The following RYR1 variants were observed in gnomAD, a reference collection of about 807,000 sequenced individuals.
RYR1 encodes ryanodine receptor 1.
A neutral mutation model predicts 583.5 loss-of-function variants in RYR1; 342 were observed. The ratio of observed to expected loss-of-function variants is 0.59; its 90% CI spans 0.54 to 0.64. The LOEUF (loss-of-function observed/expected upper bound fraction) is 0.64, where lower values mean the gene tolerates loss of function less well. Among genes scored for constraint, RYR1 ranks in the 30% least tolerant of loss-of-function variants. RYR1 has a pLI of 0.00. For synonymous variants in RYR1, 2,791 were observed against 2,822.5 expected, an observed-to-expected ratio of 0.99 and a Z score of 0.35; for missense variants, 6,032 against 6,917.2, an observed-to-expected ratio of 0.87 and a Z score of 4.54.
Position 38,494,435 on chromosome 19 carries a change from A to G in RYR1, c.6358A>G (p.Met2120Val), listed in dbSNP as rs761532503. The change falls in exon 39 of 106, where the codon ATG becomes GTG. Residue 2120 changes from methionine to valine, a missense_variant. By Grantham distance (21) the Met-to-Val change is conservative. Transcript: ENST00000359596. ...GCAGAGCCCCGAGCTGGTGCGGGCC[A>G]TGTTCAGCCTCCTGCACCGGCAGTA... Reference protein sequence around the residue: ...FVQSPELVRAMFSLLHRQYDG... With the variant: ...FVQSPELVRAVFSLLHRQYDG... 5.0e-6 allele frequency: 8 copies of G among 1,612,300 alleles called. No homozygotes were observed. The highest frequency in any genetic ancestry group is 5.1e-6 in the Non-Finnish European group (6 of 1,180,036).
At chr19:38,555,842 A>G (rs191286566) in intron 89 of RYR1, among the ~76,000 whole-genome samples, 6 of 152,214 alleles carry the variant, frequency 3.9e-5, no homozygotes, top group African/African-American at 1.4e-4. Context: ...GAAATACAAT[A>G]TGAGCAATAT....
rs1973398871 is a variant in RYR1, at chr19:38,565,897, C to CGGAGGACGCACCCAT, written c.13437+138_13437+152dup. The stretch of plus-strand genomic sequence containing the variant: ...CTAGGGGGATGGGCACACGCACCCA[C>CGGAGGACGCACCCAT]GGAGGACGCACCCATGGAGGACGCA... On this transcript the variant is annotated intron_variant, in intron 91 of 105. Transcript: ENST00000359596. This position sits in a 1 kb window ranked among gnomAD's most constrained non-coding sequence, Gnocchi z 4.7. The CGGAGGACGCACCCAT allele has an allele frequency of 9.0e-6, 10 of 1,109,718 alleles. No individual in the cohort carries two copies. The highest frequency in any genetic ancestry group is 8.5e-5 in the South Asian group (3 of 35,204). 68.7% of individuals were successfully genotyped at this position (1,109,718 alleles called of 1,614,324 possible).
chr19:38,442,579 C>A (rs1972746179), intron 3 of RYR1, 126 bp downstream of exon 3: 2 of 693,200 alleles, frequency 2.9e-6, no homozygotes, highest in African/African-American at 1.8e-5. Flanking sequence ...GCTCTTCTTC[C>A]TCTCTCTGCC....
Position 38,460,384 on chromosome 19 carries a change from C to A in RYR1, c.2370C>A (p.Phe790Leu). The A allele has an allele frequency of 6.2e-7, 1 of 1,614,152 alleles. No homozygotes were observed. Among genetic ancestry groups the A allele is most frequent in the South Asian group, 1.1e-5 (1 of 91,086 alleles). ...GTCCTTCCTTACCCAGGGTGCGGTT[C>A]CTCCTTGGTGGCCGCCATGGTGAAT... ...VSFSAGVKVRFLLGGRHGEFK... is the reference protein window; with the variant it reads ...VSFSAGVKVRLLLGGRHGEFK... Residue 790 changes from phenylalanine to leucine, a missense_variant, in exon 20 of 106, where the codon TTC (phenylalanine) becomes TTA (leucine). By Grantham distance (22) the Phe-to-Leu change is conservative. Coordinates refer to ENST00000359596, the MANE Select transcript of RYR1 (RefSeq NM_000540.3).
chr19:38,444,003 G>A lies in RYR1; in HGVS notation c.425-146G>A. 1.2e-6 allele frequency: 1 copy of A among 827,112 alleles called. No individual in the cohort carries two copies. Among genetic ancestry groups the A allele is most frequent in the Non-Finnish European group, 2.0e-6 (1 of 489,464 alleles). The allele number at this position is 827,112 out of a possible 1,614,324, so 51.2% of individuals were successfully genotyped here. ...GGCAGAGAGTCTGAAGTCAGGAACGGGGAACTGTTAGGCAGAGAGTTGGTG... is the reference window on the plus strand; with the variant it reads ...GGCAGAGAGTCTGAAGTCAGGAACGAGGAACTGTTAGGCAGAGAGTTGGTG... On this transcript the variant is annotated intron_variant, in intron 5 of 105. Transcript: ENST00000359596. The surrounding 1 kb of genome is among the most constrained non-coding windows in gnomAD (Gnocchi z 5.1).
At position 38,490,259 on chromosome 19, in the gene RYR1, T is replaced by C; in HGVS notation, c.5998T>C (p.Ser2000Pro). 6.2e-7 allele frequency: 1 copy of C among 1,613,912 alleles called. No individual in the cohort carries two copies. The highest frequency in any genetic ancestry group is 1.3e-5 in the African/African-American group (1 of 75,022). ...TGCAAGACGTACCCGCGAGTTCCGC[T>C]CCCCACCCCAGGAACAGGTCATCTG... ...ETARRTREFR[S>P]PPQEQINMLL... Residue 2000 changes from serine (S) to proline (P), a missense_variant, in exon 36 of 106, where the codon TCC becomes CCC. Ser to Pro is a moderately conservative substitution (Grantham distance 74). Around this residue, in one of 11 missense-constraint regions of RYR1, gnomAD observed 2,627 missense variants for 2,961.3 expected, o/e 0.89. Coordinates refer to ENST00000359596, the MANE Select transcript of RYR1 (RefSeq NM_000540.3).
chr19:38,442,999 A>G (rs1272355445), intron 3 of RYR1, among the ~76,000 whole-genome samples: 2 of 152,154 alleles, frequency 1.3e-5, no homozygotes, highest in African/African-American at 4.8e-5. Flanking sequence ...GAGCATGGGC[A>G]TGTGACAGCC....
intron 71 of RYR1, 77 bp from the exon 72 acceptor site, chr19:38,526,916 G>A (rs1255734760): frequency 4.6e-6 from 7 of 1,506,966 alleles, no homozygotes; most frequent in African/African-American, 2.7e-5. Flanking sequence ...GGGGTGCTGG[G>A]CCTGGAAGGA....
intron 89 of RYR1, among the ~76,000 whole-genome samples, chr19:38,551,600 G>A (rs1972669536): frequency 6.6e-6 from 1 of 152,022 alleles, no homozygotes; most frequent in East Asian, 1.9e-4. Context: ...GGGCTTGCCG[G>A]CTTCCGTCCC....
At chr19:38,574,259 G>GAA (rs1181191265) in intron 96 of RYR1, among the ~76,000 whole-genome samples, 2 of 38,856 alleles carry the variant, frequency 5.1e-5, no homozygotes, top group African/African-American at 1.0e-4. Flanking sequence ...GACTCCATCT[G>GAA]AAAAAAAAAA....
At position 38,537,878 on chromosome 19, in the gene RYR1, A is replaced by C. The variant is rs1568552569; in HGVS notation, c.11609-2A>C. The C allele has an allele frequency of 6.2e-7, 1 of 1,611,584 alleles. No homozygotes were observed. On this transcript the variant is annotated splice_acceptor_variant, in intron 83 of 105. Transcript: ENST00000359596. LOFTEE classifies it high-confidence loss of function. ...GGGCCCTGTCCCCTCCCTTCCACCTAGGAGAGAAGGTCATGGCGGATGATG... is the reference window on the plus strand; with the variant it reads ...GGGCCCTGTCCCCTCCCTTCCACCTCGGAGAGAAGGTCATGGCGGATGATG...
At position 38,516,192 on chromosome 19, in the gene RYR1, C is replaced by T; in HGVS notation, c.9660C>T (p.Thr3220=). The T allele has an allele frequency of 6.3e-7, 1 of 1,578,348 alleles. No homozygotes were observed. The highest frequency in any genetic ancestry group is 1.8e-5 in the Admixed American group (1 of 54,852). The change falls in exon 65 of 106, where the codon ACC becomes ACT. Residue 3220 remains threonine, a synonymous_variant. Coordinates refer to ENST00000359596, the MANE Select transcript of RYR1 (RefSeq NM_000540.3). Reference sequence around the variant, plus strand: ...AGTACAACGCCTGCTCCGTGTACACCACCAAGTCTCCGCGGGAGCGGGCCA... The same window carrying T: ...AGTACAACGCCTGCTCCGTGTACACTACCAAGTCTCCGCGGGAGCGGGCCA... ...LNEYNACSVY[T]TKSPRERAIL...
intron 20 of RYR1, among the ~76,000 whole-genome samples, chr19:38,462,618 A>G (rs1490502364): frequency 2.0e-5 from 3 of 152,228 alleles, no homozygotes; most frequent in South Asian, 2.1e-4. Context: ...ATCGATATTA[A>G]CTATGTAACA....
In RYR1 at chr19:38,499,532, G is replaced by T. The variant is rs532846133; in HGVS notation, c.7028-103G>T. 149 of 1,357,372 alleles carry T rather than the reference G, an allele frequency of 1.1e-4. 2 individuals carry two copies. In the African/African-American group the frequency reaches 1.5e-3, roughly 14 times the overall value. 84.1% of individuals were successfully genotyped at this position (1,357,372 alleles called of 1,614,324 possible). A position where few individuals can be genotyped will look rare whatever the true frequency, so the allele number is the denominator to read the frequency against. On this transcript the variant is annotated intron_variant, in intron 43 of 105. Coordinates refer to ENST00000359596, the MANE Select transcript of RYR1 (RefSeq NM_000540.3). This position sits in a 1 kb window ranked among gnomAD's most constrained non-coding sequence, Gnocchi z 7.3. ...TCTGGAGGTGTTGGGTCCTGGAGCT[G>T]GATGGGACCTGTGTTACCCCTGGAG... is the stretch of plus-strand genomic sequence containing the variant.
rs1480642406 is a variant in RYR1 at position 38,523,064 on chromosome 19, G to A, written c.10296G>A (p.Glu3432=). 6.2e-7 allele frequency: 1 copy of A among 1,611,462 alleles called. No homozygotes were observed. The highest frequency in any genetic ancestry group is 2.2e-5 in the East Asian group (1 of 44,846). ...QWLTEPNPSA[E]ELFRMVGEIF... ...TGACGGAGCCGAATCCCAGCGCGGA[G>A]GAGCTGTTCAGGATGGTGGGCGAGA... The change falls in exon 68 of 106, where the codon GAG becomes GAA. Residue 3432 remains glutamate, a synonymous_variant. Transcript: ENST00000359596.
At position 38,517,558 on chromosome 19, in the gene RYR1, C is replaced by G. The variant is rs776468955; in HGVS notation, c.9885C>G (p.Ala3295=). 1.2e-5 allele frequency: 19 copies of G among 1,613,858 alleles called. No homozygotes were observed. The East Asian group carries it at 4.2e-4, about 36-fold the overall frequency. Residue 3295 remains alanine (A), a synonymous_variant, in exon 66 of 106, where the codon GCC becomes GCG. Transcript: ENST00000359596. Reference sequence around the variant, plus strand: ...GCGGGCCCGAGGCACCCCCTTCCGCCCTGCCCGCCGGCGCCCCCCCACCCT... The same window carrying G: ...GCGGGCCCGAGGCACCCCCTTCCGCGCTGCCCGCCGGCGCCCCCCCACCCT... ...WERGPEAPPS[A]LPAGAPPPCT...
intron 70 of RYR1, among the ~76,000 whole-genome samples, chr19:38,525,114 T>A (rs1055834276): frequency 6.6e-6 from 1 of 151,922 alleles, no homozygotes; most frequent in Non-Finnish European, 1.5e-5. Context: ...AAACTGGGAA[T>A]TTGGGTTGTG....
chr19:38,534,005 ATTT>A (rs71165556), intron 78 of RYR1, among the ~76,000 whole-genome samples: 7 of 127,426 alleles, frequency 5.5e-5, no homozygotes, highest in African/African-American at 1.2e-4. Flanking sequence ...ACCATCTGTA[ATTT>A]TTTTTTTTTT....
rs193922895 is a variant in RYR1, at chr19:38,585,951, C to T, written c.14817C>T (p.Asp4939=). 1.7e-5 allele frequency: 27 copies of T among 1,613,924 alleles called. No homozygotes were observed. Among genetic ancestry groups the T allele is most frequent in the South Asian group, 1.5e-4 (14 of 91,062 alleles). Residue 4939 remains aspartate, a synonymous_variant, in exon 103 of 106, where the codon GAC becomes GAT. Coordinates refer to ENST00000359596, the MANE Select transcript of RYR1 (RefSeq NM_000540.3). ...CTGCCACCCCAGGTCTGATCATCGA[C>T]GCTTTTGGTGAGCTCCGAGACCAAC... ...LLAIIQGLII[D]AFGELRDQQE...
Sources: gnomAD v4.1 joint callset for allele counts (sites outside exome capture counted in the v4.1 genomes callset) on GRCh38, gnomAD v4.1.1 for gene constraint, gnomAD v4.1.1 regional missense constraint, Gnocchi (gnomAD v3.1) non-coding constraint, MANE v1.5 for transcripts, NCBI Gene and HGNC (gene_info 2026-07-23, HGNC 2026-07-21) for gene names.